The following GRIK2 variants were observed in gnomAD, a reference collection of about 807,000 sequenced individuals.
GRIK2 encodes the protein glutamate receptor ionotropic, kainate 2.
A neutral mutation model predicts 100.3 loss-of-function variants in GRIK2; 32 were observed. That is an observed-to-expected ratio of 0.32 (90% CI 0.24 to 0.43). GRIK2 has a LOEUF of 0.43. Among genes scored for constraint, GRIK2 ranks in the 20% least tolerant of loss-of-function variants. GRIK2 has a pLI of 1.00. For synonymous variants in GRIK2, 417 were observed against 389.4 expected (o/e 1.07, Z -0.83); for missense variants, 843 against 1,114.9 (o/e 0.76, Z 3.47).
At chr6:101,763,326 A>T (rs775123934) in intron 7 of GRIK2, among the ~76,000 whole-genome samples, 1 of 151,988 alleles carries the variant, frequency 6.6e-6, no homozygotes, top group East Asian at 1.9e-4. Context: ...CCTGAAAACC[A>T]CTCTGAATGT....
At chr6:101,497,674 T>C (rs1165788726) in intron 2 of GRIK2, among the ~76,000 whole-genome samples, 1 of 152,156 alleles carries the variant, frequency 6.6e-6, no homozygotes, top group African/African-American at 2.4e-5. Flanking sequence ...AGAGAGATAT[T>C]TCTTATTTTA....
At chr6:101,737,915 A>G (rs981854309) in intron 7 of GRIK2, among the ~76,000 whole-genome samples, 2 of 152,174 alleles carry the variant, frequency 1.3e-5, no homozygotes, top group African/African-American at 4.8e-5. Flanking sequence ...AAACATTTTC[A>G]ATGTCAACAG....
chr6:101,674,163 G>A (rs1398622556), intron 4 of GRIK2, among the ~76,000 whole-genome samples: 1 of 152,076 alleles, frequency 6.6e-6, no homozygotes, highest in Non-Finnish European at 1.5e-5. Context: ...TTCAAAGACT[G>A]GCTCTCGTAT....
intron 2 of GRIK2, among the ~76,000 whole-genome samples, chr6:101,495,339 A>G (rs1332760953): frequency 6.6e-6 from 1 of 151,876 alleles, no homozygotes; most frequent in African/African-American, 2.4e-5. Flanking sequence ...TCCCGTCTCT[A>G]CTAAAAATAC....
chr6:101,886,819 CCT>C lies in GRIK2; in HGVS notation c.1525-2820_1525-2819del, dbSNP rs1786657746. On this transcript the variant is annotated intron_variant, in intron 11 of 16. Coordinates refer to ENST00000369134, the MANE Select transcript of GRIK2 (RefSeq NM_021956.5). ...CTAGTAACCACCATTCTTCTTTCTA[CCT>C]TTTTTTTTTTTTTTTTTTTTTTGGA... Among the ~76,000 whole-genome samples the C allele has an allele frequency of 4.7e-5, 6 of 127,258 alleles. No individual in the cohort carries two copies. In the South Asian group the frequency reaches 1.3e-3, roughly 29 times the overall value. The allele number at this position is 127,258 out of a possible 152,430, so 83.5% of individuals were successfully genotyped here.
chr6:101,961,281 A>G (rs138826665), intron 14 of GRIK2, among the ~76,000 whole-genome samples: 36 of 152,164 alleles, frequency 2.4e-4, no homozygotes, highest in African/African-American at 8.7e-4. Flanking sequence ...CCCCAAACAG[A>G]CAGCTTTGTG....
At chr6:101,863,337 C>G (rs934344697) in intron 11 of GRIK2, among the ~76,000 whole-genome samples, 1 of 152,156 alleles carries the variant, frequency 6.6e-6, no homozygotes, top group Non-Finnish European at 1.5e-5. Flanking sequence ...AGTCCCCTGA[C>G]ACCTGATGGT....
At chr6:102,049,619 G>A (rs1771070259) in intron 15 of GRIK2, among the ~76,000 whole-genome samples, 1 of 152,110 alleles carries the variant, frequency 6.6e-6, no homozygotes. Flanking sequence ...TATTAATCAA[G>A]ATTATTTGTA....
intron 2 of GRIK2, among the ~76,000 whole-genome samples, chr6:101,467,547 T>C (rs1771710401): frequency 6.6e-6 from 1 of 152,188 alleles, no homozygotes; most frequent in Admixed American, 6.5e-5. Flanking sequence ...AGTCTTTCAT[T>C]CTTATTTTTA....
chr6:101,460,824 C>T (rs1236691204), intron 2 of GRIK2, among the ~76,000 whole-genome samples: 1 of 152,120 alleles, frequency 6.6e-6, no homozygotes, highest in Non-Finnish European at 1.5e-5. Context: ...CATTCACAAT[C>T]AGTCATTTTT....
intron 7 of GRIK2, among the ~76,000 whole-genome samples, chr6:101,786,237 G>T (rs1017751358): frequency 4.0e-5 from 6 of 150,160 alleles, no homozygotes; most frequent in Non-Finnish European, 3.0e-5. Context: ...ATAAGATCAT[G>T]TCACCTGCAA....
intron 12 of GRIK2, among the ~76,000 whole-genome samples, chr6:101,922,219 T>A (rs2128469587): frequency 6.6e-6 from 1 of 151,576 alleles, no homozygotes. Flanking sequence ...AGAAAATAAA[T>A]TTTTCAAATG....
At chr6:101,651,259 A>G (rs1009469046) in intron 4 of GRIK2, among the ~76,000 whole-genome samples, 1 of 152,070 alleles carries the variant, frequency 6.6e-6, no homozygotes, top group Non-Finnish European at 1.5e-5. Context: ...GTACTGGCAG[A>G]TATTCTTTTT....
chr6:102,062,483 A>C (rs560182468), intron 16 of GRIK2, among the ~76,000 whole-genome samples: 20 of 140,132 alleles, frequency 1.4e-4, no homozygotes, highest in Non-Finnish European at 2.1e-4. Flanking sequence ...CTTAAGTTTT[A>C]ATTTTTTCTA....
At chr6:101,583,897 A>T (rs58090849) in intron 2 of GRIK2, among the ~76,000 whole-genome samples, 37,285 of 151,988 alleles carry the variant, frequency 0.25, 4,793 homozygotes, top group African/African-American at 0.32. Flanking sequence ...TCTGGCAGAG[A>T]AAATTAAAAG....
At chr6:101,962,443 T>C (rs1433639264) in intron 14 of GRIK2, among the ~76,000 whole-genome samples, 2 of 152,202 alleles carry the variant, frequency 1.3e-5, no homozygotes, top group African/African-American at 2.4e-5. Flanking sequence ...GCTTGTTTCA[T>C]GGCCTGGAAT....
intron 2 of GRIK2, among the ~76,000 whole-genome samples, chr6:101,468,240 A>G (rs1396075388): frequency 6.6e-6 from 1 of 152,214 alleles, no homozygotes; most frequent in Non-Finnish European, 1.5e-5. Context: ...CCAAAAAATC[A>G]TTAACCACCC....
At chr6:101,997,921 AT>A (rs566334172) in intron 14 of GRIK2, among the ~76,000 whole-genome samples, 35 of 152,236 alleles carry the variant, frequency 2.3e-4, no homozygotes, top group Admixed American at 5.2e-4. Context: ...AATCTGCTTT[AT>A]TTTTAGCTTT....
intron 2 of GRIK2, among the ~76,000 whole-genome samples, chr6:101,586,725 A>AG (rs1267581206): frequency 1.3e-5 from 2 of 151,582 alleles, no homozygotes; most frequent in African/African-American, 4.8e-5. Flanking sequence ...AATTAAAAAA[A>AG]AAACAAATTA....
Sources: allele counts gnomAD v4.1 joint callset (sites outside exome capture counted in the v4.1 genomes callset), GRCh38; gene constraint gnomAD v4.1.1; transcripts MANE v1.5; gene names NCBI Gene and HGNC (gene_info 2026-07-23, HGNC 2026-07-21).